Variants in ZFHX3 observed in about 807,000 individuals in gnomAD.
ZFHX3 encodes the protein zinc finger homeobox 3.
A neutral mutation model predicts 279.1 loss-of-function variants in ZFHX3; 42 were observed. The observed-to-expected ratio is 0.15, with a 90% confidence interval of 0.12 to 0.19. ZFHX3 has a LOEUF of 0.19. Ranked by LOEUF, ZFHX3 falls within the 10% of genes least tolerant of loss-of-function variation. The pLI is 1.00. For missense variants in ZFHX3, 4,981 were observed against 4,754.0 expected (o/e 1.05, Z -1.40); for synonymous variants, 2,293 against 1,957.8 (o/e 1.17, Z -4.52).
chr16:73,282,169 T>G (rs1394587458), intron 4 of ZFHX3, among the ~76,000 whole-genome samples: 2 of 152,236 alleles, frequency 1.3e-5, no homozygotes, highest in Admixed American at 6.5e-5. Flanking sequence ...ACAGGTGCAT[T>G]TCTTGTTCCC....
At chr16:73,294,196 A>G (rs1567442364) in intron 4 of ZFHX3, 1 of 152,162 alleles carries the variant, frequency 6.6e-6, no homozygotes, top group Admixed American at 6.6e-5. Context: ...TTATTTCACA[A>G]ATGTGGTTAA....
chr16:73,186,942 G>A (rs964733043), intron 5 of ZFHX3, among the ~76,000 whole-genome samples: 3 of 152,084 alleles, frequency 2.0e-5, no homozygotes, highest in African/African-American at 4.8e-5. Context: ...CTACTGAAAC[G>A]GGAAACTATT....
At chr16:73,285,423 G>C (rs972440531) in intron 4 of ZFHX3, among the ~76,000 whole-genome samples, 1 of 152,190 alleles carries the variant, frequency 6.6e-6, no homozygotes, top group African/African-American at 2.4e-5. Flanking sequence ...AATCCAAAGG[G>C]TGTCGTCAGC....
In ZFHX3 at chr16:72,959,825, G is replaced by T. The variant is rs1397360274; in HGVS notation, c.321C>A (p.Pro107=). 3 of 1,593,864 alleles carry T rather than the reference G, an allele frequency of 1.9e-6. No homozygotes were observed. Among genetic ancestry groups the T allele is most frequent in the East Asian group, 2.2e-5 (1 of 44,558 alleles). Residue 107 remains proline (P), a synonymous_variant, in exon 2 of 10, where the codon CCC becomes CCA. Coordinates refer to ENST00000268489, the MANE Select transcript of ZFHX3 (RefSeq NM_006885.4). ...TGTCGCTGGCGCTCTCCTCTCTCAG[G>T]GGTGGCGGGGGGCGCGCGCTGGGGC... is the stretch of plus-strand genomic sequence containing the variant. ...HHCPSARPPP[P]LREESASDTG... is the part of the protein sequence containing the mutation.
At chr16:73,228,591 A>G (rs1390044496) in intron 5 of ZFHX3, among the ~76,000 whole-genome samples, 1 of 152,182 alleles carries the variant, frequency 6.6e-6, no homozygotes, top group Non-Finnish European at 1.5e-5. Context: ...TGAGCCTGGG[A>G]GGTCAAGGCT....
rs538630397 is a variant in ZFHX3, at chr16:73,435,649, C to T, written c.-1291+20354G>A. Among the ~76,000 whole-genome samples the T allele has an allele frequency of 1.9e-4, 29 of 152,340 alleles. No homozygotes were observed. In the South Asian group the frequency reaches 4.1e-3, roughly 22 times the overall value. On this transcript the variant is annotated intron_variant, in intron 3 of 17. Coordinates refer to the ZFHX3 transcript ENST00000641206. ...GTCAAATGTTCCCTGAAGGGCAAAA[C>T]TGCCCGGGATGAGCAGCTCTGGGAT... is the stretch of plus-strand genomic sequence containing the variant.
rs569717435 is a variant in ZFHX3 at position 73,763,056 on chromosome 16, T to TA, written c.-1607-82817dup. Among the ~76,000 whole-genome samples, 428 of 152,288 alleles carry TA rather than the reference T, an allele frequency of 2.8e-3. 1 individual carries two copies. The highest frequency in any genetic ancestry group is 9.8e-3 in the African/African-American group (406 of 41,562). On this transcript the variant is annotated intron_variant, in intron 1 of 17. Transcript: ENST00000641206. The stretch of plus-strand genomic sequence containing the variant: ...ATATTTCCCCACTAATGTATTGTAA[T>TA]AAAATATTGCTTAATCTCTTTACCT...
chr16:72,974,317 C>A (rs1192280178), intron 1 of ZFHX3, among the ~76,000 whole-genome samples: 1 of 152,200 alleles, frequency 6.6e-6, no homozygotes, highest in East Asian at 1.9e-4. Flanking sequence ...GCAATGATTC[C>A]GCCAAATGGC....
In ZFHX3 at chr16:72,957,950, G is replaced by A; in HGVS notation, c.2196C>T (p.Asn732=). The change falls in exon 2 of 10, where the codon AAC becomes AAT. Residue 732 remains asparagine (N), a synonymous_variant. Transcript: ENST00000268489. ...GGTTGCCTTTGGTAGTTGTGGAGTA[G>A]TTACACACCTCGCAGCGGAAAGGCT... ...GYKPFRCEVC[N]YSTTTKGNLS... is the part of the protein sequence containing the mutation. 1 of 1,614,202 alleles carries A rather than the reference G, an allele frequency of 6.2e-7. No homozygotes were observed.
chr16:72,893,794 A>G (rs1397931064), intron 3 of ZFHX3, among the ~76,000 whole-genome samples: 3 of 152,178 alleles, frequency 2.0e-5, no homozygotes, highest in East Asian at 3.9e-4. Flanking sequence ...AATTCATGAA[A>G]GATTCATTCA....
chr16:73,316,794 A>T (rs2015459592), intron 4 of ZFHX3, among the ~76,000 whole-genome samples: 1 of 152,184 alleles, frequency 6.6e-6, no homozygotes, highest in Admixed American at 6.5e-5. Context: ...GAATGCAAAC[A>T]CACAAGGCAT....
intron 3 of ZFHX3, among the ~76,000 whole-genome samples, chr16:73,433,969 A>G (rs1395695154): frequency 1.3e-5 from 2 of 152,130 alleles, no homozygotes; most frequent in Non-Finnish European, 2.9e-5. Flanking sequence ...TGGCTTAGTT[A>G]TTGACTTGCG....
intron 4 of ZFHX3, among the ~76,000 whole-genome samples, chr16:72,864,039 C>A (rs1357634044): frequency 2.0e-5 from 3 of 152,002 alleles, no homozygotes; most frequent in Non-Finnish European, 4.4e-5. Flanking sequence ...ATGGCGTGAA[C>A]CCGGGAGGCA....
intron 1 of ZFHX3, among the ~76,000 whole-genome samples, chr16:73,806,847 C>T (rs1198871541): frequency 6.6e-6 from 1 of 152,188 alleles, no homozygotes; most frequent in Non-Finnish European, 1.5e-5. Context: ...ACTGCCCTGA[C>T]CCTTTTGGGG....
chr16:73,784,786 T>TAAAAA lies in ZFHX3; in HGVS notation c.-1607-104551_-1607-104547dup, dbSNP rs66537411. 4.2e-3 allele frequency among the ~76,000 whole-genome samples: 559 copies of TAAAAA among 133,728 alleles called. 6 individuals carry two copies. Among genetic ancestry groups the TAAAAA allele is most frequent in the African/African-American group, 0.015 (515 of 33,858 alleles). The allele number at this position is 133,728 out of a possible 152,430, so 87.7% of individuals were successfully genotyped here. A position where few individuals can be genotyped will look rare whatever the true frequency, so the allele number is the denominator to read the frequency against. On this transcript the variant is annotated intron_variant, in intron 1 of 17. Coordinates refer to the ZFHX3 transcript ENST00000641206. ...TTTTAAAAAACTATTTTTAACAAAA[T>TAAAAA]AAAAAAAAAAATATATATATATATA...
chr16:73,807,287 C>A (rs1354713585), intron 1 of ZFHX3, among the ~76,000 whole-genome samples: 2 of 152,196 alleles, frequency 1.3e-5, no homozygotes, highest in African/African-American at 2.4e-5. Context: ...ACTACCAGTA[C>A]CTTTTGACTG....
chr16:72,799,898 C>T, intron 8 of ZFHX3, 129 bp downstream of exon 8: 1 of 767,408 alleles, frequency 1.3e-6, no homozygotes, highest in Non-Finnish European at 2.2e-6. Context: ...GATGACAGTG[C>T]CCCTCATCTC....
At position 73,377,728 on chromosome 16, in the gene ZFHX3, T is replaced by G. The variant is rs147357365; in HGVS notation, c.-1290-59392A>C. On this transcript the variant is annotated intron_variant, in intron 3 of 17. Coordinates refer to the ZFHX3 transcript ENST00000641206. ...TTATAAACAATGCTGCAATGGAGATTTTTGTATTTAAATATCTTATACAGG... is the reference window on the plus strand; with the variant it reads ...TTATAAACAATGCTGCAATGGAGATGTTTGTATTTAAATATCTTATACAGG... 2.2e-3 allele frequency among the ~76,000 whole-genome samples: 331 copies of G among 151,780 alleles called. 1 individual carries two copies. Among genetic ancestry groups the G allele is most frequent in the Admixed American group, 6.4e-3 (97 of 15,248 alleles).
intron 1 of ZFHX3, among the ~76,000 whole-genome samples, chr16:73,876,224 G>T (rs1184646226): frequency 6.6e-6 from 1 of 152,162 alleles, no homozygotes; most frequent in African/African-American, 2.4e-5. Flanking sequence ...TCTGGAATGA[G>T]TTCCTGCTGC....
Sources: allele counts gnomAD v4.1 joint callset (sites outside exome capture counted in the v4.1 genomes callset), GRCh38; gene constraint gnomAD v4.1.1; transcripts MANE v1.5; gene names NCBI Gene and HGNC (gene_info 2026-07-23, HGNC 2026-07-21).